SGCZ: variants seen among roughly 807,000 people sequenced by gnomAD.
The protein encoded by SGCZ is sarcoglycan zeta.
A neutral mutation model predicts 41.3 loss-of-function variants in SGCZ; 40 were observed. The observed-to-expected ratio is 0.97, with a 90% confidence interval of 0.75 to 1.26. The LOEUF (loss-of-function observed/expected upper bound fraction) is 1.26, where lower values mean the gene tolerates loss of function less well. SGCZ is among the 50% of genes most tolerant of loss of function. The pLI is 0.00. For synonymous variants in SGCZ, 206 were observed against 137.5 expected (o/e 1.50, Z -3.49); for missense variants, 552 against 369.8 (o/e 1.49, Z -4.04).
intron 1 of SGCZ, among the ~76,000 whole-genome samples, chr8:14,712,122 G>T (rs976295717): frequency 2.6e-5 from 4 of 152,084 alleles, no homozygotes; most frequent in Non-Finnish European, 4.4e-5. Context: ...AAAAACTAAA[G>T]CTTAGCCAAT....
intron 1 of SGCZ, among the ~76,000 whole-genome samples, chr8:14,575,399 T>C (rs1054714936): frequency 6.6e-6 from 1 of 152,128 alleles, no homozygotes; most frequent in African/African-American, 2.4e-5. Flanking sequence ...ACCATCACTT[T>C]GAAGAGAAAT....
At chr8:14,549,278 A>T (rs1803727603) in intron 2 of SGCZ, among the ~76,000 whole-genome samples, 1 of 152,076 alleles carries the variant, frequency 6.6e-6, no homozygotes, top group African/African-American at 2.4e-5. Context: ...ATCTTACCAA[A>T]GTGCTTTCGG....
chr8:14,702,730 A>ATGAT (rs1177344193), intron 1 of SGCZ, among the ~76,000 whole-genome samples: 2 of 74,602 alleles, frequency 2.7e-5, no homozygotes, highest in Non-Finnish European at 5.2e-5. Flanking sequence ...GCTGGCTTCA[A>ATGAT]TGATAGATAG....
chr8:14,842,191 G>A (rs770397710), intron 1 of SGCZ, among the ~76,000 whole-genome samples: 3 of 152,072 alleles, frequency 2.0e-5, no homozygotes, highest in Admixed American at 6.6e-5. Context: ...AATGGAGTTC[G>A]AAGGACCAAC....
chr8:14,222,574 T>C (rs1242165672), intron 4 of SGCZ, among the ~76,000 whole-genome samples: 1 of 152,140 alleles, frequency 6.6e-6, no homozygotes, highest in Non-Finnish European at 1.5e-5. Flanking sequence ...TTATGTATTC[T>C]GGAGGATATT....
chr8:14,892,677 G>A (rs1338773158), intron 1 of SGCZ, among the ~76,000 whole-genome samples: 1 of 150,798 alleles, frequency 6.6e-6, no homozygotes, highest in African/African-American at 2.4e-5. Context: ...AAACTTCCAT[G>A]GAACTAAGTA....
intron 5 of SGCZ, among the ~76,000 whole-genome samples, chr8:14,129,918 G>C (rs1340479931): frequency 1.3e-5 from 2 of 152,076 alleles, no homozygotes; most frequent in Non-Finnish European, 2.9e-5. Context: ...GTTATCGCAA[G>C]TATTCTTCAG....
chr8:14,529,468 C>A (rs549878527), intron 2 of SGCZ, among the ~76,000 whole-genome samples: 1 of 152,264 alleles, frequency 6.6e-6, no homozygotes, highest in Admixed American at 6.5e-5. Flanking sequence ...ATGAAGCTTT[C>A]TTTGCAACAA....
At chr8:14,394,060 T>C (rs972662382) in intron 2 of SGCZ, among the ~76,000 whole-genome samples, 1 of 152,162 alleles carries the variant, frequency 6.6e-6, no homozygotes, top group Non-Finnish European at 1.5e-5. Context: ...AAACATTTTA[T>C]GTTCGCAGGA....
At chr8:14,902,444 G>C (rs1798998603) in intron 1 of SGCZ, among the ~76,000 whole-genome samples, 1 of 152,114 alleles carries the variant, frequency 6.6e-6, no homozygotes, top group East Asian at 1.9e-4. Context: ...AATTCCCTGG[G>C]CCTGAATTTT....
At chr8:14,454,959 T>C (rs1800700503) in intron 2 of SGCZ, among the ~76,000 whole-genome samples, 1 of 152,146 alleles carries the variant, frequency 6.6e-6, no homozygotes, top group Non-Finnish European at 1.5e-5. Flanking sequence ...GTCTTTGAAG[T>C]TGGTGTAGGA....
intron 2 of SGCZ, among the ~76,000 whole-genome samples, chr8:14,368,405 G>C (rs1247877892): frequency 2.6e-5 from 4 of 152,036 alleles, no homozygotes; most frequent in Non-Finnish European, 5.9e-5. Flanking sequence ...CCGTTAGATA[G>C]ACTAAGGGTT....
chr8:14,351,864 G>A (rs1054165093), intron 2 of SGCZ, among the ~76,000 whole-genome samples: 2 of 152,024 alleles, frequency 1.3e-5, no homozygotes, highest in Admixed American at 1.3e-4. Flanking sequence ...GGGCTTTTAA[G>A]TAGATAAAGC....
intron 1 of SGCZ, among the ~76,000 whole-genome samples, chr8:14,607,456 T>C (rs1483276474): frequency 6.6e-6 from 1 of 152,186 alleles, no homozygotes; most frequent in Non-Finnish European, 1.5e-5. Flanking sequence ...CTAGTTCATA[T>C]CCTGAGTTAA....
intron 1 of SGCZ, among the ~76,000 whole-genome samples, chr8:15,021,516 A>G (rs1020169992): frequency 1.3e-5 from 2 of 152,210 alleles, no homozygotes; most frequent in African/African-American, 2.4e-5. Flanking sequence ...GGGAATTAAC[A>G]AGGCTTACTT....
chr8:14,338,668 A>C (rs1003136263), intron 2 of SGCZ, among the ~76,000 whole-genome samples: 2 of 152,232 alleles, frequency 1.3e-5, no homozygotes, highest in African/African-American at 4.8e-5. Flanking sequence ...TAAAATATGC[A>C]TCTACTTTGT....
rs1218235067 is a variant in SGCZ, at chr8:14,309,552, A to G, written c.336+14551T>C. 3.5e-5 allele frequency: 56 copies of G among 1,610,650 alleles called. 1 individual carries two copies. The East Asian group carries it at 1.2e-3, about 35-fold the overall frequency. On this transcript the variant is annotated intron_variant, in intron 3 of 7. Coordinates refer to ENST00000382080, the MANE Select transcript of SGCZ (RefSeq NM_139167.4). ...TGTGAAAACAAAGAAGCTGTTACACATACAGGGACGGTATAACAAGGAAAG... is the reference window on the plus strand; with the variant it reads ...TGTGAAAACAAAGAAGCTGTTACACGTACAGGGACGGTATAACAAGGAAAG...
At chr8:14,829,234 G>C (rs77358713) in intron 1 of SGCZ, among the ~76,000 whole-genome samples, 4,945 of 151,444 alleles carry the variant, frequency 0.033, 199 homozygotes, top group African/African-American at 0.094. Flanking sequence ...TATTGTTGCC[G>C]TCTATATATC....
chr8:14,845,197 A>C (rs945650864), intron 1 of SGCZ, among the ~76,000 whole-genome samples: 85 of 152,302 alleles, frequency 5.6e-4, no homozygotes, highest in African/African-American at 1.9e-3. Flanking sequence ...TATTCTTACC[A>C]GCTAGGATGG....
Sources: allele counts gnomAD v4.1 joint callset (sites outside exome capture counted in the v4.1 genomes callset), GRCh38; gene constraint gnomAD v4.1.1; transcripts MANE v1.5; gene names NCBI Gene and HGNC (gene_info 2026-07-23, HGNC 2026-07-21).